Variants in DLG2 observed in about 807,000 individuals in gnomAD.
The protein encoded by DLG2 is discs large MAGUK scaffold protein 2, also known as disks large homolog 2.
A neutral mutation model predicts 132.5 loss-of-function variants in DLG2; 45 were observed. The ratio of observed to expected loss-of-function variants is 0.34; its 90% confidence interval spans 0.27 to 0.44. DLG2 has a LOEUF of 0.44. DLG2 is among the 20% of genes least tolerant of loss of function. DLG2 has a pLI of 1.00. For synonymous variants in DLG2, 424 were observed against 419.6 expected, an observed-to-expected ratio of 1.01 and a Z score of -0.13; for missense variants, 1,045 against 1,196.9, an observed-to-expected ratio of 0.87 and a Z score of 1.87.
At chr11:84,223,104 T>G (rs1365700177) in intron 8 of DLG2, among the ~76,000 whole-genome samples, 1 of 152,150 alleles carries the variant, frequency 6.6e-6, no homozygotes, top group Non-Finnish European at 1.5e-5. Flanking sequence ...AATATTAAGA[T>G]AAGCACTAAC....
At chr11:84,630,894 T>C (rs1391979969) in intron 6 of DLG2, among the ~76,000 whole-genome samples, 1 of 152,008 alleles carries the variant, frequency 6.6e-6, no homozygotes, top group Non-Finnish European at 1.5e-5. Flanking sequence ...GTCAGAAGTA[T>C]CACCTGAGCA....
intron 6 of DLG2, among the ~76,000 whole-genome samples, chr11:84,800,053 G>C (rs948014703): frequency 5.3e-5 from 8 of 152,126 alleles, no homozygotes; most frequent in African/African-American, 1.9e-4. Flanking sequence ...TAGTCTGATG[G>C]GGTGAATGCA....
At chr11:85,615,787 T>C (rs985427388) in intron 2 of DLG2, among the ~76,000 whole-genome samples, 1 of 152,112 alleles carries the variant, frequency 6.6e-6, no homozygotes, top group African/African-American at 2.4e-5. Flanking sequence ...TGGCATCTCC[T>C]ATCTGTGATC....
At chr11:85,047,476 T>G (rs1333058144) in intron 6 of DLG2, among the ~76,000 whole-genome samples, 1 of 151,972 alleles carries the variant, frequency 6.6e-6, no homozygotes, top group Non-Finnish European at 1.5e-5. Flanking sequence ...GGTTGAGGCA[T>G]TCTAATTCAG....
chr11:84,393,066 A>T (rs1459716565), intron 7 of DLG2, among the ~76,000 whole-genome samples: 5 of 152,180 alleles, frequency 3.3e-5, no homozygotes, highest in African/African-American at 1.2e-4. Flanking sequence ...TAACTTAATA[A>T]CGTGTGAGCT....
At chr11:83,640,831 C>CTGGTTA (rs1481280732) in intron 18 of DLG2, among the ~76,000 whole-genome samples, 1 of 152,086 alleles carries the variant, frequency 6.6e-6, no homozygotes, top group Non-Finnish European at 1.5e-5. Context: ...TTAAAATGGA[C>CTGGTTA]AAATTGGGGC....
chr11:83,657,700 G>A (rs2073031157), intron 18 of DLG2, among the ~76,000 whole-genome samples: 2 of 151,826 alleles, frequency 1.3e-5, no homozygotes, highest in Non-Finnish European at 2.9e-5. Flanking sequence ...CACCATGCCT[G>A]GCTAATTTTT....
At chr11:84,626,847 A>ACATTTTATGTTATTTTATTTATTTTATT (rs373094154) in intron 6 of DLG2, among the ~76,000 whole-genome samples, 1 of 144,012 alleles carries the variant, frequency 6.9e-6, no homozygotes, top group Non-Finnish European at 1.5e-5. Flanking sequence ...CATCAATTAC[A>ACATTTTATGTTATTTTATTTATTTTATT]TATTTTATTT....
At chr11:85,452,302 C>CTTCCTT (rs2092275866) in intron 3 of DLG2, 1 of 152,242 alleles carries the variant, frequency 6.6e-6, no homozygotes, top group African/African-American at 2.4e-5. Flanking sequence ...ATGGCCACCA[C>CTTCCTT]TTCCTTTTCC....
chr11:84,521,273 C>T (rs143469627), intron 7 of DLG2, among the ~76,000 whole-genome samples: 3 of 152,264 alleles, frequency 2.0e-5, no homozygotes, highest in South Asian at 2.1e-4. Context: ...TTTTCAATAA[C>T]ATCCCCTAGA....
At chr11:84,092,680 T>G (rs2097109711) in intron 10 of DLG2, among the ~76,000 whole-genome samples, 1 of 152,160 alleles carries the variant, frequency 6.6e-6, no homozygotes, top group Non-Finnish European at 1.5e-5. Context: ...TTGGCTATGA[T>G]TTCGCACACA....
intron 5 of DLG2, among the ~76,000 whole-genome samples, chr11:85,135,899 T>C (rs1594740955): frequency 6.6e-6 from 1 of 152,236 alleles, no homozygotes; most frequent in East Asian, 1.9e-4. Flanking sequence ...TGGGAGTGTT[T>C]TACGTCTACA....
chr11:84,371,634 T>G (rs1194838417), intron 7 of DLG2, among the ~76,000 whole-genome samples: 5 of 152,152 alleles, frequency 3.3e-5, no homozygotes, highest in Admixed American at 3.3e-4. Context: ...CATTTTAAAA[T>G]GTAAGATTAA....
chr11:83,664,340 T>A (rs1045812630), intron 18 of DLG2, among the ~76,000 whole-genome samples: 42 of 152,270 alleles, frequency 2.8e-4, no homozygotes, highest in African/African-American at 9.4e-4. Flanking sequence ...GCATATTTTG[T>A]AAGCTTCGCG....
chr11:84,923,611 T>C, intron 6 of DLG2: 1 of 991,154 alleles, frequency 1.0e-6, no homozygotes, highest in Non-Finnish European at 1.2e-6. Context: ...CCTTCTTCCT[T>C]TGGAGGTTTA....
intron 6 of DLG2, among the ~76,000 whole-genome samples, chr11:84,718,502 A>T (rs1001393887): frequency 5.9e-5 from 9 of 152,300 alleles, no homozygotes; most frequent in Middle Eastern, 6.8e-3. Context: ...CTAACAGCAT[A>T]AAAGAAACTT....
chr11:85,462,174 G>C (rs986692764), intron 3 of DLG2, among the ~76,000 whole-genome samples: 2 of 152,210 alleles, frequency 1.3e-5, no homozygotes, highest in Non-Finnish European at 2.9e-5. Flanking sequence ...AGGATGTGCA[G>C]AAATAGGAAC....
Position 84,390,195 on chromosome 11 carries a change from A to T in DLG2, c.520-138904T>A, listed in dbSNP as rs191471762. The stretch of plus-strand genomic sequence containing the variant: ...AATTAATCAACACTCTAAGAAGATT[A>T]AACCTTAAAACTAAGCTGTGAAACA... On this transcript the variant is annotated intron_variant, in intron 7 of 27. Transcript: ENST00000376104. Among the ~76,000 whole-genome samples, 33 of 152,336 alleles carry T rather than the reference A, an allele frequency of 2.2e-4. No homozygotes were observed. The East Asian group carries it at 6.4e-3, about 29-fold the overall frequency.
At chr11:84,943,548 G>A (rs541232023) in intron 6 of DLG2, among the ~76,000 whole-genome samples, 47 of 152,048 alleles carry the variant, frequency 3.1e-4, no homozygotes, top group South Asian at 1.5e-3. Context: ...ATAATGCCTC[G>A]TAACATGTTA....
Sources: allele counts gnomAD v4.1 joint callset (sites outside exome capture counted in the v4.1 genomes callset), GRCh38; gene constraint gnomAD v4.1.1; transcripts MANE v1.5; gene names NCBI Gene and HGNC (gene_info 2026-07-23, HGNC 2026-07-21).